The following RAB1A variants were observed in gnomAD, a reference collection of about 807,000 sequenced individuals.
RAB1A encodes the protein RAB1A, member RAS oncogene family.
In RAB1A, 2 loss-of-function variants were observed where a neutral mutation model predicts 26.0. That is an observed-to-expected ratio of 0.08 (90% CI 0.03 to 0.24). RAB1A has a LOEUF of 0.24. RAB1A is among the 10% of genes least tolerant of loss of function. RAB1A has a pLI of 1.00. For synonymous variants in RAB1A, 84 were observed against 84.9 expected, an observed-to-expected ratio of 0.99 and a Z score of 0.06; for missense variants, 100 against 247.0, an observed-to-expected ratio of 0.40 and a Z score of 3.99.
At position 65,124,994 on chromosome 2, in the gene RAB1A, G is replaced by A. The variant is rs1444403024; in HGVS notation, c.23+4899C>T. ...CCACCAAAAGTCACAAAGACAACCT[G>A]CTTTCACTTTCAAACACTTAAGTTT... On this transcript the variant is annotated intron_variant, in intron 1 of 5. Transcript: ENST00000409784. Among the ~76,000 whole-genome samples, 6 of 148,260 alleles carry A rather than the reference G, an allele frequency of 4.0e-5. No homozygotes were observed. In the South Asian group the frequency reaches 1.1e-3, roughly 26 times the overall value.
At chr2:65,122,417 G>T (rs75318374) in intron 1 of RAB1A, among the ~76,000 whole-genome samples, 6,923 of 151,094 alleles carry the variant, frequency 0.046, 166 homozygotes, top group South Asian at 0.07. Context: ...AATTAGCCAG[G>T]TGTGGTGGCA....
chr2:65,118,579 G>A (rs1669877239), intron 1 of RAB1A, among the ~76,000 whole-genome samples: 1 of 152,130 alleles, frequency 6.6e-6, no homozygotes, highest in Admixed American at 6.6e-5. Context: ...CCGGGTTCAA[G>A]CAGTTCTCCT....
intron 3 of RAB1A, among the ~76,000 whole-genome samples, chr2:65,094,240 G>T (rs367581817): frequency 6.6e-6 from 1 of 152,202 alleles, no homozygotes. Flanking sequence ...AAAGTACTGG[G>T]ATTACAGGGG....
intron 4 of RAB1A, among the ~76,000 whole-genome samples, chr2:65,089,983 G>A (rs1055903): frequency 0.65 from 99,189 of 152,156 alleles, 32,606 homozygotes; most frequent in Non-Finnish European, 0.69. Flanking sequence ...GATTACAGGC[G>A]TGAGCCACTG....
chr2:65,090,948 T>G, intron 4 of RAB1A, 35 bp downstream of exon 4: 1 of 1,413,654 alleles, frequency 7.1e-7, no homozygotes, highest in Non-Finnish European at 9.8e-7. Context: ...GCTTCCTACT[T>G]GGTCACTGTA....
intron 1 of RAB1A, among the ~76,000 whole-genome samples, chr2:65,129,393 G>A (rs1670184007): frequency 6.6e-6 from 1 of 152,018 alleles, no homozygotes; most frequent in Admixed American, 6.6e-5. Context: ...CCTGAAACCT[G>A]GCGGGGAGGA....
Position 65,088,653 on chromosome 2 carries a change from G to A in RAB1A, c.458C>T (p.Thr153Ile). ...ADSLGIPFLE[T>I]SAKNATNVEQ... Reference sequence around the variant, plus strand: ...TACATTCGTTGCATTCTTAGCACTGGTTTCCAAAAACGGAATTCCAAGGGA... The same window carrying A: ...TACATTCGTTGCATTCTTAGCACTGATTTCCAAAAACGGAATTCCAAGGGA... Residue 153 changes from threonine (T) to isoleucine (I), a missense_variant, in exon 6 of 6, where the codon ACC (threonine) becomes ATC (isoleucine). Physicochemically the swap from Thr to Ile is moderately conservative, Grantham distance 89. Coordinates refer to ENST00000409784, the MANE Select transcript of RAB1A (RefSeq NM_004161.5). 1 of 1,611,048 alleles carries A rather than the reference G, an allele frequency of 6.2e-7. No individual in the cohort carries two copies. Among genetic ancestry groups the A allele is most frequent in the Non-Finnish European group, 8.5e-7 (1 of 1,178,806 alleles).
At chr2:65,121,235 G>A (rs1295890994) in intron 1 of RAB1A, among the ~76,000 whole-genome samples, 425 of 91,236 alleles carry the variant, frequency 4.7e-3, no homozygotes, top group Non-Finnish European at 4.6e-3. Context: ...ATCATGTCTC[G>A]AAAAAAAAAA....
At chr2:65,115,068 AAC>A (rs1395213896) in intron 1 of RAB1A, among the ~76,000 whole-genome samples, 3 of 152,168 alleles carry the variant, frequency 2.0e-5, no homozygotes, top group African/African-American at 7.2e-5. Context: ...ACCATATGAT[AAC>A]ACAGCACAAA....
chr2:65,094,584 CAAAAAAA>C, intron 3 of RAB1A, among the ~76,000 whole-genome samples: 1 of 121,050 alleles, frequency 8.3e-6, no homozygotes, highest in Non-Finnish European at 1.7e-5. Context: ...AACTCCGTCT[CAAAAAAA>C]AAAAAAAAGA....
intron 1 of RAB1A, among the ~76,000 whole-genome samples, chr2:65,125,864 C>CTTT (rs55930968): frequency 0.014 from 1,036 of 74,702 alleles, 222 homozygotes; most frequent in African/African-American, 0.054. Context: ...TTTCAATTGC[C>CTTT]TTTTTTTTTT....
chr2:65,115,852 A>C (rs1368071538), intron 1 of RAB1A, among the ~76,000 whole-genome samples: 1 of 152,312 alleles, frequency 6.6e-6, no homozygotes, highest in East Asian at 1.9e-4. Flanking sequence ...TGTTTAGAAC[A>C]GTATTCTAAA....
chr2:65,097,808 T>C (rs1168382159), intron 3 of RAB1A, among the ~76,000 whole-genome samples, 163 bp downstream of exon 3: 1 of 152,224 alleles, frequency 6.6e-6, no homozygotes, highest in Non-Finnish European at 1.5e-5. Flanking sequence ...GAAAATATTA[T>C]TTTTAATCTA....
intron 1 of RAB1A, among the ~76,000 whole-genome samples, chr2:65,110,109 T>G (rs1437433354): frequency 2.3e-4 from 35 of 152,002 alleles, no homozygotes; most frequent in Admixed American, 1.8e-3. Context: ...GGCCAAAATA[T>G]TAGGGGGAAA....
chr2:65,110,566 A>G (rs1447696530), intron 1 of RAB1A, among the ~76,000 whole-genome samples: 1 of 152,158 alleles, frequency 6.6e-6, no homozygotes, highest in Non-Finnish European at 1.5e-5. Context: ...TATAAATGGG[A>G]GGGAAGAGAC....
chr2:65,102,259 TCTTG>T (rs1286887488), intron 2 of RAB1A, among the ~76,000 whole-genome samples: 16 of 152,176 alleles, frequency 1.1e-4, no homozygotes, highest in Non-Finnish European at 2.1e-4. Flanking sequence ...AGCAGTGATT[TCTTG>T]CTTTTTTCTT....
At chr2:65,088,916 T>G in intron 5 of RAB1A, 23 bp downstream of exon 5, 1 of 1,582,036 alleles carries the variant, frequency 6.3e-7, no homozygotes, top group Non-Finnish European at 8.6e-7. Flanking sequence ...AAATTCAGTA[T>G]GAAAATTAAA....
intron 3 of RAB1A, among the ~76,000 whole-genome samples, chr2:65,096,443 A>G (rs1669287219): frequency 1.3e-5 from 2 of 152,236 alleles, no homozygotes; most frequent in South Asian, 4.1e-4. Context: ...TTCCAGCCAC[A>G]GGAAAGTAAC....
rs1669085642 is a variant in RAB1A, at chr2:65,088,365, T to C, written c.*128A>G. 2 of 765,436 alleles carry C rather than the reference T, an allele frequency of 2.6e-6. No individual in the cohort carries two copies. The highest frequency in any genetic ancestry group is 4.0e-6 in the Non-Finnish European group (2 of 495,928). The allele number at this position is 765,436 out of a possible 1,614,324, so 47.4% of individuals were successfully genotyped here. A position where few individuals can be genotyped will look rare whatever the true frequency, so the allele number is the denominator to read the frequency against. ...GTCAGTATTGACCATTTACAATCTC[T>C]GACCTTTGTGGAGACGGTAAGAATC... On this transcript the variant is annotated 3_prime_UTR_variant, in exon 6 of 6. Coordinates refer to ENST00000409784, the MANE Select transcript of RAB1A (RefSeq NM_004161.5).
Sources: gnomAD v4.1 joint callset for allele counts (sites outside exome capture counted in the v4.1 genomes callset) on GRCh38, gnomAD v4.1.1 for gene constraint, MANE v1.5 for transcripts, NCBI Gene and HGNC (gene_info 2026-07-23, HGNC 2026-07-21) for gene names.